Variants in UNC93A observed in about 807,000 individuals in gnomAD.
UNC93A encodes the protein unc-93 homolog A.
A neutral mutation model predicts 47.5 loss-of-function variants in UNC93A; 43 were observed. That is an observed-to-expected ratio of 0.91 (90% confidence interval 0.71 to 1.17). The LOEUF is 1.17. Ranked by LOEUF, UNC93A falls within the 50% of genes most tolerant of loss-of-function variation. UNC93A has a pLI of 0.00. For synonymous variants in UNC93A, 280 were observed against 258.0 expected, an observed-to-expected ratio of 1.09 and a Z score of -0.82; for missense variants, 605 against 577.6, an observed-to-expected ratio of 1.05 and a Z score of -0.49.
upstream of UNC93A, among the ~76,000 whole-genome samples, chr6:167,290,608 T>G (rs1056152580): frequency 2.0e-5 from 3 of 152,236 alleles, no homozygotes; most frequent in Admixed American, 6.5e-5. Flanking sequence ...TGTGGTTAAA[T>G]TTTAATTGTA....
At chr6:167,278,492 C>G (rs531418428) in intron 1 of UNC93A, among the ~76,000 whole-genome samples, 7 of 152,290 alleles carry the variant, frequency 4.6e-5, no homozygotes, top group South Asian at 4.1e-4. Flanking sequence ...CCTGCCCTCA[C>G]CTGACAATCA....
intron 1 of UNC93A, among the ~76,000 whole-genome samples, chr6:167,274,368 C>T (rs1854852): frequency 0.24 from 36,641 of 151,552 alleles, 4,970 homozygotes; most frequent in Non-Finnish European, 0.32. Context: ...ATTCCACGTT[C>T]GGTCCGTCCT....
chr6:167,272,062 A>G (rs1173625348), intron 1 of UNC93A, among the ~76,000 whole-genome samples: 1 of 152,174 alleles, frequency 6.6e-6, no homozygotes, highest in Non-Finnish European at 1.5e-5. Context: ...TCACTAAATT[A>G]TGTCCTGCTT....
At position 167,296,025 on chromosome 6, in the gene UNC93A, C is replaced by T; in HGVS notation, c.270-7C>T. ...TTACAGGCTATGGGTCTGCATTTTACCCACAGGTACACTTTGATCCCCACC... is the reference window on the plus strand; with the variant it reads ...TTACAGGCTATGGGTCTGCATTTTATCCACAGGTACACTTTGATCCCCACC... On this transcript the variant is annotated splice_region_variant and splice_polypyrimidine_tract_variant and intron_variant, in intron 2 of 7. Coordinates refer to ENST00000230256, the MANE Select transcript of UNC93A (RefSeq NM_018974.4). 6.2e-7 allele frequency: 1 copy of T among 1,613,338 alleles called. No homozygotes were observed. The highest frequency in any genetic ancestry group is 8.5e-7 in the Non-Finnish European group (1 of 1,179,370).
chr6:167,281,470 A>G (rs1259062228), intron 1 of UNC93A, among the ~76,000 whole-genome samples: 1 of 152,224 alleles, frequency 6.6e-6, no homozygotes, highest in Non-Finnish European at 1.5e-5. Context: ...AGGCCTAGCA[A>G]CAGAGCAGGA....
At position 167,296,203 on chromosome 6, in the gene UNC93A, A is replaced by G; in HGVS notation, c.441A>G (p.Ser147=). 2 of 1,614,208 alleles carry G rather than the reference A, an allele frequency of 1.2e-6. No individual in the cohort carries two copies. Among genetic ancestry groups the G allele is most frequent in the East Asian group, 2.2e-5 (1 of 44,892 alleles). ...GCATCTTCTTCCTCATATTCCAGTC[A>G]TCCGGTGTGTGGGGCAACTTGATCT... The part of the protein sequence containing the change: ...YFGIFFLIFQ[S]SGVWGNLISS... The change falls in exon 3 of 8, where the codon TCA becomes TCG. Residue 147 remains serine, a synonymous_variant. Coordinates refer to ENST00000230256, the MANE Select transcript of UNC93A (RefSeq NM_018974.4).
chr6:167,287,701 A>G (rs559882375), upstream of UNC93A, among the ~76,000 whole-genome samples: 13 of 144,144 alleles, frequency 9.0e-5, no homozygotes, highest in African/African-American at 3.2e-4. Context: ...GTGTGTGTGC[A>G]TGTGTGTGCA....
chr6:167,280,303 G>A (rs1032094398), intron 1 of UNC93A, among the ~76,000 whole-genome samples: 1 of 152,150 alleles, frequency 6.6e-6, no homozygotes, highest in Non-Finnish European at 1.5e-5. Context: ...GGGAGGGGAA[G>A]GAGGAGCACA....
chr6:167,302,982 T>C (rs1220402549), intron 4 of UNC93A, among the ~76,000 whole-genome samples: 2 of 152,154 alleles, frequency 1.3e-5, no homozygotes, highest in African/African-American at 4.8e-5. Flanking sequence ...GTCCGCACCA[T>C]AGATGCTCCC....
chr6:167,291,560 G>C lies in UNC93A; in HGVS notation c.71G>C (p.Gly24Ala), dbSNP rs1198764682. The C allele has an allele frequency of 3.7e-6, 6 of 1,613,022 alleles. No homozygotes were observed. The Admixed American group carries it at 6.7e-5, about 18-fold the overall frequency. The change falls in exon 1 of 8, where the codon GGT becomes GCT. Residue 24 changes from glycine to alanine, a missense_variant. By Grantham distance (60) the Gly-to-Ala change is moderately conservative. Transcript: ENST00000230256. ...CTGCTTCTCTTTACAGCCTATGGAG[G>C]TCTGCAGAGCCTGCAGGTATGTGTG... ...GFLLLFTAYG[G>A]LQSLQSSLYS...
intron 7 of UNC93A, among the ~76,000 whole-genome samples, chr6:167,308,759 C>T (rs1034945517): frequency 6.6e-6 from 1 of 152,038 alleles, no homozygotes; most frequent in Non-Finnish European, 1.5e-5. Context: ...GCGCTGACAC[C>T]CAGGAGTGAC....
At chr6:167,285,938 T>TCTCTC (rs1783720274) in intron 1 of UNC93A, among the ~76,000 whole-genome samples, 10 of 131,774 alleles carry the variant, frequency 7.6e-5, no homozygotes, top group Non-Finnish European at 1.3e-4. Flanking sequence ...TTAGTTTTCT[T>TCTCTC]TCTCTCTCTC....
Position 167,296,127 on chromosome 6 carries a change from A to T in UNC93A, c.365A>T (p.His122Leu). 1 of 1,614,238 alleles carries T rather than the reference A, an allele frequency of 6.2e-7. No individual in the cohort carries two copies. The highest frequency in any genetic ancestry group is 1.3e-5 in the African/African-American group (1 of 75,054). Reference protein sequence around the residue: ...CTYLTITGNTHAEKAGKRGKD... With the variant: ...CTYLTITGNTLAEKAGKRGKD... Reference sequence around the variant, plus strand: ...TACCTCACGATCACGGGAAACACACATGCAGAGAAGGCGGGAAAGCGTGGC... The same window carrying T: ...TACCTCACGATCACGGGAAACACACTTGCAGAGAAGGCGGGAAAGCGTGGC... Residue 122 changes from histidine to leucine, a missense_variant, in exon 3 of 8, where the codon CAT (histidine) becomes CTT (leucine). His to Leu is a moderately conservative substitution (Grantham distance 99, BLOSUM62 -3). Coordinates refer to ENST00000230256, the MANE Select transcript of UNC93A (RefSeq NM_018974.4).
chr6:167,288,769 A>G (rs1342677095), upstream of UNC93A, among the ~76,000 whole-genome samples: 4 of 152,198 alleles, frequency 2.6e-5, no homozygotes, highest in African/African-American at 2.4e-5. Flanking sequence ...GGTGATTTAC[A>G]AGGTGATTCT....
chr6:167,272,256 TC>T (rs1783462725), intron 1 of UNC93A, among the ~76,000 whole-genome samples: 1 of 152,178 alleles, frequency 6.6e-6, no homozygotes, highest in Non-Finnish European at 1.5e-5. Context: ...TCGAGAATGT[TC>T]TATGCAAATG....
intron 1 of UNC93A, 130 bp from the exon 2 acceptor site, chr6:167,294,387 C>T (rs961906999): frequency 8.5e-6 from 9 of 1,056,980 alleles, no homozygotes; most frequent in African/African-American, 1.6e-5. Context: ...GCTCCCAGGG[C>T]AGCAAGCCTG....
intron 4 of UNC93A, among the ~76,000 whole-genome samples, chr6:167,303,109 T>C (rs1456517152): frequency 6.6e-6 from 1 of 152,174 alleles, no homozygotes; most frequent in East Asian, 1.9e-4. Flanking sequence ...ATGAACCCCT[T>C]TGGGTGGGCA....
In UNC93A at chr6:167,315,327, G is replaced by A. The variant is rs149481536; in HGVS notation, c.1249G>A (p.Val417Ile). 27,574 of 1,611,656 alleles carry A rather than the reference G, an allele frequency of 0.017. 82 individuals are homozygous for A. Among genetic ancestry groups the A allele is most frequent in the Non-Finnish European group, 0.021 (24,372 of 1,177,696 alleles). ...VHVKLYILLGVLSLTMVAYGL... is the reference protein window; with the variant it reads ...VHVKLYILLGILSLTMVAYGL... ...CGTCAAGCTCTACATTCTGCTGGGG[G>A]TCCTGAGCCTGACCATGGTGGCGTA... Residue 417 changes from valine to isoleucine, a missense_variant, in exon 8 of 8, where the codon GTC becomes ATC. Coordinates refer to ENST00000230256, the MANE Select transcript of UNC93A (RefSeq NM_018974.4).
chr6:167,311,012 C>T (rs969235255), intron 7 of UNC93A, among the ~76,000 whole-genome samples: 21 of 152,362 alleles, frequency 1.4e-4, no homozygotes, highest in African/African-American at 4.3e-4. Flanking sequence ...GCTCTCCATG[C>T]AGCACAGCAC....
Sources: allele counts gnomAD v4.1 joint callset (sites outside exome capture counted in the v4.1 genomes callset), GRCh38; gene constraint gnomAD v4.1.1; transcripts MANE v1.5; gene names NCBI Gene and HGNC (gene_info 2026-07-23, HGNC 2026-07-21).